Variants in SLC16A9 observed in about 807,000 individuals in gnomAD.
SLC16A9 encodes solute carrier family 16 member 9.
SLC16A9 carries 26 observed loss-of-function variants against 44.3 expected under a neutral mutation model. The ratio of observed to expected loss-of-function variants is 0.59; its 90% CI spans 0.43 to 0.81. SLC16A9 has a LOEUF of 0.81. Among genes scored for constraint, SLC16A9 ranks in the 40% least tolerant of loss-of-function variants. The pLI is 0.00. For synonymous variants in SLC16A9, 230 were observed against 225.1 expected (o/e 1.02, Z -0.19); for missense variants, 559 against 595.8 (o/e 0.94, Z 0.64).
intron 4 of SLC16A9, among the ~76,000 whole-genome samples, chr10:59,658,795 C>G (rs1839405960): frequency 6.6e-6 from 1 of 152,186 alleles, no homozygotes; most frequent in Non-Finnish European, 1.5e-5. Flanking sequence ...ACACTTCTCA[C>G]CGGGCAGTGC....
rs11006686 is a variant in SLC16A9 at position 59,679,056 on chromosome 10, T to C, written c.196+5040A>G. 6.1e-3 allele frequency among the ~76,000 whole-genome samples: 924 copies of C among 152,320 alleles called. 3 individuals carry two copies. The highest frequency in any genetic ancestry group is 0.021 in the African/African-American group (866 of 41,578). On this transcript the variant is annotated intron_variant, in intron 2 of 5. Coordinates refer to ENST00000395348, the MANE Select transcript of SLC16A9 (RefSeq NM_194298.3). Reference sequence around the variant, plus strand: ...GTGATGCGTTTACTGACTCGTATTATGAGTTTGAACACCTTTGGAGGAAGT... The same window carrying C: ...GTGATGCGTTTACTGACTCGTATTACGAGTTTGAACACCTTTGGAGGAAGT...
In SLC16A9 at chr10:59,664,228, TGTTGAAATC is replaced by T; in HGVS notation, c.426_434del (p.Ile143_Thr145del). 1 of 1,605,476 alleles carries T rather than the reference TGTTGAAATC, an allele frequency of 6.2e-7. No homozygotes were observed. Among genetic ancestry groups the T allele is most frequent in the Non-Finnish European group, 8.5e-7 (1 of 1,173,746 alleles). ...ACTGTACTCATTTTGAAAATATACC[TGTTGAAATC>T]AGGCCAAGCGCTAGGCCTCGGCGAT... On this transcript the variant is annotated inframe_deletion and splice_region_variant, in exon 4 of 6. Coordinates refer to ENST00000395348, the MANE Select transcript of SLC16A9 (RefSeq NM_194298.3).
chr10:59,677,458 G>A (rs1038708191), intron 2 of SLC16A9, among the ~76,000 whole-genome samples: 3 of 152,078 alleles, frequency 2.0e-5, no homozygotes, highest in African/African-American at 4.8e-5. Context: ...GTGCCCAGTA[G>A]CCACATGTGC....
At chr10:59,692,576 A>G (rs1840276135) in intron 1 of SLC16A9, among the ~76,000 whole-genome samples, 1 of 152,230 alleles carries the variant, frequency 6.6e-6, no homozygotes, top group Non-Finnish European at 1.5e-5. Context: ...ACCTCAATAA[A>G]GCTGTTAAAA....
At position 59,684,077 on chromosome 10, in the gene SLC16A9, C is replaced by A; in HGVS notation, c.196+19G>T. On this transcript the variant is annotated intron_variant, in intron 2 of 5. Transcript: ENST00000395348. ...TAAATGATTAAAGAGTAAAGAGAGG[C>A]ATTAATTTATCCACTTACTTGCAAG... The A allele has an allele frequency of 6.3e-7, 1 of 1,594,502 alleles. No individual in the cohort carries two copies. The highest frequency in any genetic ancestry group is 8.6e-7 in the Non-Finnish European group (1 of 1,165,550).
At chr10:59,707,570 G>C (rs1193152676) in intron 1 of SLC16A9, among the ~76,000 whole-genome samples, 1 of 120,390 alleles carries the variant, frequency 8.3e-6, no homozygotes, top group African/African-American at 3.1e-5. Context: ...TAGATTTGAA[G>C]TGTTCTCACC....
chr10:59,699,993 A>C (rs528895927), intron 1 of SLC16A9, among the ~76,000 whole-genome samples: 1 of 152,172 alleles, frequency 6.6e-6, no homozygotes, highest in East Asian at 1.9e-4. Context: ...AGGATATGGT[A>C]ATGGCATTTT....
chr10:59,686,957 G>A (rs1246210382), intron 1 of SLC16A9, among the ~76,000 whole-genome samples: 1 of 152,212 alleles, frequency 6.6e-6, no homozygotes, highest in African/African-American at 2.4e-5. Context: ...GCCCAGGCTG[G>A]AGTGCAATGG....
At chr10:59,689,340 C>G (rs1252339716) in intron 1 of SLC16A9, among the ~76,000 whole-genome samples, 1 of 152,156 alleles carries the variant, frequency 6.6e-6, no homozygotes, top group Non-Finnish European at 1.5e-5. Flanking sequence ...GCCTTCATTT[C>G]TCCTTTTTTG....
intron 1 of SLC16A9, among the ~76,000 whole-genome samples, chr10:59,686,350 A>G (rs1254646766): frequency 6.6e-6 from 1 of 152,222 alleles, no homozygotes; most frequent in African/African-American, 2.4e-5. Context: ...TGTCTGGTTC[A>G]AAAAGAAATC....
chr10:59,651,792 C>T lies in SLC16A9; in HGVS notation c.*980G>A, dbSNP rs571528105. The T allele has an allele frequency of 5.3e-5, 8 of 152,220 alleles. No individual in the cohort carries two copies. The South Asian group carries it at 1.5e-3, about 28-fold the overall frequency. The allele number at this position is 152,220 out of a possible 1,614,324, so 9.4% of individuals were successfully genotyped here. On this transcript the variant is annotated 3_prime_UTR_variant, in exon 6 of 6. Coordinates refer to ENST00000395348, the MANE Select transcript of SLC16A9 (RefSeq NM_194298.3). Reference sequence around the variant, plus strand: ...ACACACACACACACACACACACTCACGTTTAATTCTGCCCTTGAATTATAT... The same window carrying T: ...ACACACACACACACACACACACTCATGTTTAATTCTGCCCTTGAATTATAT...
upstream of SLC16A9, chr10:59,710,012 C>G (rs1414053091): frequency 6.6e-6 from 1 of 152,214 alleles, no homozygotes. Flanking sequence ...CCGGCCCTAC[C>G]AGGCCTGGAG....
intron 4 of SLC16A9, among the ~76,000 whole-genome samples, chr10:59,657,419 T>C (rs973295043): frequency 5.3e-5 from 8 of 152,216 alleles, no homozygotes; most frequent in African/African-American, 1.9e-4. Context: ...GGGTTTCTTT[T>C]TAATTTTTAA....
chr10:59,672,502 T>A (rs1245270239), intron 3 of SLC16A9, among the ~76,000 whole-genome samples: 1 of 152,196 alleles, frequency 6.6e-6, no homozygotes, highest in Non-Finnish European at 1.5e-5. Context: ...TTTTCCCATA[T>A]GTGCTATAGA....
chr10:59,697,203 T>A (rs1226499065), intron 1 of SLC16A9, among the ~76,000 whole-genome samples: 4 of 149,938 alleles, frequency 2.7e-5, no homozygotes, highest in Admixed American at 6.6e-5. Context: ...GGAGCCCCTC[T>A]GCCCGGCCAC....
chr10:59,674,319 T>G (rs1399537314), intron 2 of SLC16A9, among the ~76,000 whole-genome samples: 2 of 152,266 alleles, frequency 1.3e-5, no homozygotes, highest in South Asian at 4.2e-4. Flanking sequence ...GAACTTCTTA[T>G]ACACATATTT....
intron 1 of SLC16A9, among the ~76,000 whole-genome samples, chr10:59,703,374 C>T (rs1840567277): frequency 6.6e-6 from 1 of 152,194 alleles, no homozygotes; most frequent in Non-Finnish European, 1.5e-5. Context: ...CCTATCATGG[C>T]CTCCCGTGGT....
chr10:59,707,307 G>A (rs1589004311), intron 1 of SLC16A9, among the ~76,000 whole-genome samples: 1 of 115,390 alleles, frequency 8.7e-6, no homozygotes, highest in Non-Finnish European at 1.8e-5. Flanking sequence ...GGGAAGGGAA[G>A]GGAAGGGAAG....
chr10:59,658,210 A>T (rs1200044643), intron 4 of SLC16A9, among the ~76,000 whole-genome samples: 1 of 151,404 alleles, frequency 6.6e-6, no homozygotes, highest in Non-Finnish European at 1.5e-5. Context: ...TACAACCTGG[A>T]AGCCCCTGTT....
Sources: gnomAD v4.1 joint callset for allele counts (sites outside exome capture counted in the v4.1 genomes callset) on GRCh38, gnomAD v4.1.1 for gene constraint, MANE v1.5 for transcripts, NCBI Gene and HGNC (gene_info 2026-07-23, HGNC 2026-07-21) for gene names.